Variants in ZFHX3 observed in about 807,000 individuals in gnomAD.
ZFHX3 encodes the protein zinc finger homeobox protein 3.
ZFHX3 carries 42 observed loss-of-function variants against 279.1 expected under a neutral mutation model. The observed-to-expected ratio is 0.15, with a 90% CI of 0.12 to 0.19. The LOEUF (loss-of-function observed/expected upper bound fraction) is 0.19. Among genes scored for constraint, ZFHX3 ranks in the 10% least tolerant of loss-of-function variants. The pLI, the probability that ZFHX3 is intolerant of heterozygous loss-of-function variation, is 1.00. For synonymous variants in ZFHX3, 2,293 were observed against 1,957.8 expected, an observed-to-expected ratio of 1.17 and a Z score of -4.52; for missense variants, 4,981 against 4,754.0, an observed-to-expected ratio of 1.05 and a Z score of -1.40.
At chr16:73,406,871 C>A (rs1396683068) in intron 3 of ZFHX3, among the ~76,000 whole-genome samples, 1 of 152,076 alleles carries the variant, frequency 6.6e-6, no homozygotes, top group African/African-American at 2.4e-5. Context: ...TGAGCTTTGG[C>A]TGGGGCTGGT....
intron 7 of ZFHX3, among the ~76,000 whole-genome samples, chr16:72,806,444 G>A (rs1324286619): frequency 6.6e-6 from 1 of 152,212 alleles, no homozygotes; most frequent in Non-Finnish European, 1.5e-5. Flanking sequence ...AGCAGTGGCA[G>A]TATACCAAGG....
chr16:73,197,019 C>T (rs1017076797), intron 5 of ZFHX3, among the ~76,000 whole-genome samples: 8 of 152,086 alleles, frequency 5.3e-5, no homozygotes, highest in African/African-American at 1.9e-4. Flanking sequence ...CTAAGTAGGG[C>T]GTCTTTACCA....
At chr16:73,486,968 T>C (rs2018986493) in intron 2 of ZFHX3, 3 of 405,692 alleles carry the variant, frequency 7.4e-6, no homozygotes, top group South Asian at 3.5e-5. Context: ...ATATCTTAGG[T>C]ATATATGTGT....
At chr16:72,920,408 C>T (rs1276737418) in intron 3 of ZFHX3, among the ~76,000 whole-genome samples, 2 of 152,098 alleles carry the variant, frequency 1.3e-5, no homozygotes, top group Non-Finnish European at 2.9e-5. Flanking sequence ...CAACCAGGTG[C>T]AGTGGCTCAT....
intron 2 of ZFHX3, among the ~76,000 whole-genome samples, chr16:73,505,595 C>T (rs1417821142): frequency 6.6e-6 from 1 of 151,720 alleles, no homozygotes; most frequent in Non-Finnish European, 1.5e-5. Flanking sequence ...TTAATAAAAT[C>T]AGAAGCCCAG....
chr16:73,643,109 G>A (rs1003521869), intron 2 of ZFHX3, among the ~76,000 whole-genome samples: 1 of 152,164 alleles, frequency 6.6e-6, no homozygotes, highest in Non-Finnish European at 1.5e-5. Context: ...TGGAGGCTCC[G>A]TCAGCACCTT....
At chr16:73,660,600 G>A (rs779891738) in intron 2 of ZFHX3, among the ~76,000 whole-genome samples, 45 of 152,204 alleles carry the variant, frequency 3.0e-4, no homozygotes, top group Middle Eastern at 3.4e-3. Flanking sequence ...AATGCAAGTT[G>A]CTGATCTGTT....
At chr16:73,665,290 T>G (rs1344378135) in intron 2 of ZFHX3, among the ~76,000 whole-genome samples, 1 of 151,878 alleles carries the variant, frequency 6.6e-6, no homozygotes, top group Non-Finnish European at 1.5e-5. Context: ...CCTGGCTCAT[T>G]GCAACCTCCA....
intron 3 of ZFHX3, among the ~76,000 whole-genome samples, chr16:73,408,860 C>A (rs1014879709): frequency 2.0e-5 from 3 of 151,958 alleles, no homozygotes; most frequent in African/African-American, 7.2e-5. Flanking sequence ...CAAATTCCAG[C>A]GAGGCAACCG....
chr16:73,719,637 ATTTT>A (rs945775380), intron 1 of ZFHX3, among the ~76,000 whole-genome samples: 1 of 151,974 alleles, frequency 6.6e-6, no homozygotes, highest in African/African-American at 2.4e-5. Flanking sequence ...TCATTTATTT[ATTTT>A]TTTATTTTTT....
chr16:72,936,014 G>T (rs1035773307), intron 3 of ZFHX3, among the ~76,000 whole-genome samples: 2 of 152,188 alleles, frequency 1.3e-5, no homozygotes, highest in Non-Finnish European at 2.9e-5. Context: ...GAAACTCACG[G>T]GTGGCCAGCA....
chr16:73,716,575 ATGAG>A (rs1167286051), intron 1 of ZFHX3, among the ~76,000 whole-genome samples: 1 of 151,694 alleles, frequency 6.6e-6, no homozygotes, highest in Non-Finnish European at 1.5e-5. Flanking sequence ...AAATTTTATG[ATGAG>A]TAAGTTCCTT....
At chr16:72,868,933 G>T (rs984889311) in intron 4 of ZFHX3, among the ~76,000 whole-genome samples, 1 of 152,172 alleles carries the variant, frequency 6.6e-6, no homozygotes, top group African/African-American at 2.4e-5. Context: ...ATGGACAGGA[G>T]AAAAAGCTGA....
chr16:73,423,060 T>G (rs996697623), intron 3 of ZFHX3, among the ~76,000 whole-genome samples: 1 of 152,118 alleles, frequency 6.6e-6, no homozygotes, highest in African/African-American at 2.4e-5. Context: ...CCCAGTCAAA[T>G]TGGATCAGGC....
At chr16:73,144,903 G>A (rs1384639144) in intron 5 of ZFHX3, among the ~76,000 whole-genome samples, 1 of 152,050 alleles carries the variant, frequency 6.6e-6, no homozygotes, top group Non-Finnish European at 1.5e-5. Context: ...AACTACCCTG[G>A]CATAACACTT....
intron 3 of ZFHX3, among the ~76,000 whole-genome samples, chr16:73,383,686 G>C (rs924414121): frequency 7.6e-6 from 1 of 131,288 alleles, no homozygotes; most frequent in African/African-American, 2.8e-5. Flanking sequence ...GGAGGGGTGG[G>C]GGGTGGGCAG....
At chr16:72,919,910 C>G (rs958485730) in intron 3 of ZFHX3, among the ~76,000 whole-genome samples, 1 of 149,710 alleles carries the variant, frequency 6.7e-6, no homozygotes, top group Non-Finnish European at 1.5e-5. Flanking sequence ...TCTCCTGCCT[C>G]AGCCTCCCAA....
At position 73,214,430 on chromosome 16, in the gene ZFHX3, C is replaced by CA. The variant is rs199980805; in HGVS notation, c.-1104+42616dup. On this transcript the variant is annotated intron_variant, in intron 5 of 17. Coordinates refer to the ZFHX3 transcript ENST00000641206. ...GTGTGGCCTTCAATACAATTCATTG[C>CA]AAAAAAAAGGAGGAAGATTCCAAAA... Among the ~76,000 whole-genome samples the CA allele has an allele frequency of 4.7e-4, 71 of 150,924 alleles. 1 individual carries two copies. The highest frequency in any genetic ancestry group is 1.6e-3 in the African/African-American group (65 of 41,240).
chr16:72,842,582 G>A (rs1482441766), intron 4 of ZFHX3, among the ~76,000 whole-genome samples: 1 of 152,208 alleles, frequency 6.6e-6, no homozygotes, highest in Non-Finnish European at 1.5e-5. Flanking sequence ...TGATTAGAAA[G>A]AATAAAGTAA....
Sources: gnomAD v4.1 joint callset for allele counts (sites outside exome capture counted in the v4.1 genomes callset) on GRCh38, gnomAD v4.1.1 for gene constraint, MANE v1.5 for transcripts, NCBI Gene and HGNC (gene_info 2026-07-23, HGNC 2026-07-21) for gene names.